The following ITGBL1 variants were observed in gnomAD, a reference collection of about 807,000 sequenced individuals.
ITGBL1 encodes integrin subunit beta like 1, also known as integrin beta-like protein 1.
ITGBL1 carries 51 observed loss-of-function variants against 68.5 expected under a neutral mutation model. The ratio of observed to expected loss-of-function variants is 0.74; its 90% CI spans 0.59 to 0.94. The LOEUF is 0.94. Among genes scored for constraint, ITGBL1 ranks in the 40% least tolerant of loss-of-function variants. The pLI, the probability that ITGBL1 is intolerant of heterozygous loss-of-function variation, is 0.00. For missense variants in ITGBL1, 649 were observed against 647.4 expected, an observed-to-expected ratio of 1.00 and a Z score of -0.03; for synonymous variants, 209 against 227.3, an observed-to-expected ratio of 0.92 and a Z score of 0.72.
intron 8 of ITGBL1, 64 bp from the exon 9 acceptor site, chr13:101,706,692 A>G: frequency 2.0e-6 from 3 of 1,530,498 alleles, no homozygotes; most frequent in Non-Finnish European, 2.7e-6. Context: ...TTCTTTCTTA[A>G]AACTCTCTGC....
At chr13:101,565,865 C>T (rs1290393526) in intron 2 of ITGBL1, among the ~76,000 whole-genome samples, 3 of 152,012 alleles carry the variant, frequency 2.0e-5, no homozygotes, top group Non-Finnish European at 4.4e-5. Context: ...ATTGATGCGT[C>T]ATTGGGTCAA....
chr13:101,602,552 G>A (rs148969363), intron 7 of ITGBL1, among the ~76,000 whole-genome samples: 15 of 151,882 alleles, frequency 9.9e-5, no homozygotes, highest in East Asian at 1.9e-4. Flanking sequence ...TTTATGTTGC[G>A]TTTTTCTTTT....
intron 2 of ITGBL1, among the ~76,000 whole-genome samples, chr13:101,461,500 C>A (rs996478839): frequency 1.8e-4 from 27 of 152,148 alleles, no homozygotes; most frequent in Non-Finnish European, 1.3e-4. Context: ...TTGAGACCGG[C>A]CTGGGCAGCA....
chr13:101,454,399 T>C (rs2048210520), intron 2 of ITGBL1, among the ~76,000 whole-genome samples: 1 of 135,904 alleles, frequency 7.4e-6, no homozygotes, highest in Non-Finnish European at 1.7e-5. Context: ...CCCTGGCTGG[T>C]CCCCCCCCCC....
chr13:101,501,379 C>T (rs2048938119), intron 2 of ITGBL1, among the ~76,000 whole-genome samples: 1 of 152,154 alleles, frequency 6.6e-6, no homozygotes. Flanking sequence ...CTTATTCTGC[C>T]AGCTTATCTG....
chr13:101,579,358 T>G lies in ITGBL1; in HGVS notation c.658T>G (p.Cys220Gly). 1.2e-6 allele frequency: 2 copies of G among 1,613,870 alleles called. No homozygotes were observed. The highest frequency in any genetic ancestry group is 1.7e-6 in the Non-Finnish European group (2 of 1,179,856). The stretch of plus-strand genomic sequence containing the variant: ...GCATGGAGATAAATGTGAATTCCAG[T>G]GCGATATCACCCCCTGGGAAAGCAA... ...GWHGDKCEFQ[C>G]DITPWESKRR... The change falls in exon 5 of 11, where the codon TGC becomes GGC. Residue 220 changes from cysteine (C) to glycine (G), a missense_variant. Cys to Gly is a radical substitution (Grantham distance 159). Transcript: ENST00000376180.
chr13:101,636,897 A>C (rs2032187790), intron 7 of ITGBL1, among the ~76,000 whole-genome samples: 1 of 152,144 alleles, frequency 6.6e-6, no homozygotes, highest in African/African-American at 2.4e-5. Flanking sequence ...GTTCTAGCTC[A>C]TCACATCAAA....
At position 101,582,239 on chromosome 13, in the gene ITGBL1, G is replaced by A. The variant is rs187155127; in HGVS notation, c.728-977G>A. On this transcript the variant is annotated intron_variant, in intron 5 of 10. Coordinates refer to ENST00000376180, the MANE Select transcript of ITGBL1 (RefSeq NM_004791.3). ...CAGCTTTGTCAGTCTTTTTTTTACA[G>A]TGTTTTGTTTCCAACCAAAATTTTC... 6.6e-5 allele frequency among the ~76,000 whole-genome samples: 10 copies of A among 151,888 alleles called. No homozygotes were observed. The East Asian group carries it at 1.9e-3, about 29-fold the overall frequency.
intron 2 of ITGBL1, among the ~76,000 whole-genome samples, chr13:101,555,604 C>G (rs751144464): frequency 6.6e-6 from 1 of 151,982 alleles, no homozygotes; most frequent in Admixed American, 6.6e-5. Flanking sequence ...ACACAGACAA[C>G]GCACACAAGA....
chr13:101,599,915 T>C (rs1262781268), intron 7 of ITGBL1, among the ~76,000 whole-genome samples: 1 of 152,192 alleles, frequency 6.6e-6, no homozygotes, highest in Non-Finnish European at 1.5e-5. Flanking sequence ...GACTTGGCAA[T>C]GTGGGCTCTT....
rs575453831 is a variant in ITGBL1 at position 101,544,677 on chromosome 13, C to T, written c.317-23022C>T. Reference sequence around the variant, plus strand: ...GTGGAGTCTACAGAGACAGGCAGGCCTCCTTGAGCTGCGGTGGGCTCCACC... The same window carrying T: ...GTGGAGTCTACAGAGACAGGCAGGCTTCCTTGAGCTGCGGTGGGCTCCACC... On this transcript the variant is annotated intron_variant, in intron 2 of 10. Transcript: ENST00000376180. 2.8e-4 allele frequency among the ~76,000 whole-genome samples: 42 copies of T among 152,290 alleles called. No homozygotes were observed. In the East Asian group the frequency reaches 8.1e-3, roughly 30 times the overall value.
chr13:101,679,445 C>T (rs985706831), intron 7 of ITGBL1, among the ~76,000 whole-genome samples: 7 of 152,134 alleles, frequency 4.6e-5, no homozygotes, highest in African/African-American at 7.2e-5. Context: ...AACTGTGTTT[C>T]GAAAGCAGGG....
chr13:101,674,323 T>G (rs147191675), intron 7 of ITGBL1, among the ~76,000 whole-genome samples: 1,555 of 152,324 alleles, frequency 0.01, 8 homozygotes, highest in Non-Finnish European at 0.017. Flanking sequence ...TCACTTTACC[T>G]TTAAAAACCC....
At chr13:101,635,913 AAAACTGAGAGG>A (rs1484974093) in intron 7 of ITGBL1, among the ~76,000 whole-genome samples, 3 of 152,098 alleles carry the variant, frequency 2.0e-5, no homozygotes, top group Admixed American at 6.6e-5. Flanking sequence ...GTATCTAAAG[AAAACTGAGAGG>A]AAACAATTAC....
At chr13:101,638,395 C>T (rs149180642) in intron 7 of ITGBL1, among the ~76,000 whole-genome samples, 1 of 151,018 alleles carries the variant, frequency 6.6e-6, no homozygotes. Context: ...CAGCTTGGCA[C>T]ATGTTAGGCT....
At chr13:101,714,645 C>A (rs1392003469) in intron 10 of ITGBL1, 94 bp downstream of exon 10, 7 of 780,328 alleles carry the variant, frequency 9.0e-6, no homozygotes, top group Non-Finnish European at 1.4e-5. Flanking sequence ...GCTGGACCAA[C>A]AGGGCCAACC....
chr13:101,457,133 T>C (rs1052777476), intron 2 of ITGBL1, among the ~76,000 whole-genome samples: 1 of 152,176 alleles, frequency 6.6e-6, no homozygotes, highest in Non-Finnish European at 1.5e-5. Context: ...AAGTGCTCAG[T>C]ACATATTAAA....
intron 7 of ITGBL1, among the ~76,000 whole-genome samples, chr13:101,683,957 G>C (rs955386794): frequency 6.6e-6 from 1 of 151,842 alleles, no homozygotes; most frequent in East Asian, 1.9e-4. Flanking sequence ...AAATAGTTTG[G>C]ATATGAGACA....
intron 2 of ITGBL1, among the ~76,000 whole-genome samples, chr13:101,511,347 C>T (rs1422353023): frequency 6.6e-6 from 1 of 152,074 alleles, no homozygotes; most frequent in Non-Finnish European, 1.5e-5. Context: ...CCTAAGGAAC[C>T]TTCTATGAGT....
Sources: allele counts gnomAD v4.1 joint callset (sites outside exome capture counted in the v4.1 genomes callset), GRCh38; gene constraint gnomAD v4.1.1; transcripts MANE v1.5; gene names NCBI Gene and HGNC (gene_info 2026-07-23, HGNC 2026-07-21).